Variants in ORC2 observed in about 807,000 individuals in gnomAD.
ORC2 encodes the protein origin recognition complex protein 2 homolog.
Under a neutral mutation model 77.7 loss-of-function variants are expected in ORC2, and 37 were observed. The ratio of observed to expected loss-of-function variants is 0.48; its 90% CI spans 0.37 to 0.63. The LOEUF is 0.63. Ranked by LOEUF, ORC2 falls within the 20% of genes least tolerant of loss-of-function variation. The probability of loss-of-function intolerance (pLI) is 0.00; values close to 1 mark genes in which losing one functional copy is unlikely to be tolerated. For synonymous variants in ORC2, 201 were observed against 229.5 expected, an observed-to-expected ratio of 0.88 and a Z score of 1.12; for missense variants, 557 against 661.9, an observed-to-expected ratio of 0.84 and a Z score of 1.74.
intron 5 of ORC2, among the ~76,000 whole-genome samples, chr2:200,944,163 A>G (rs1028135941): frequency 6.6e-6 from 1 of 152,148 alleles, no homozygotes; most frequent in East Asian, 1.9e-4. Flanking sequence ...ATTGAAGAGG[A>G]TTAAGAACAA....
chr2:200,953,058 A>T (rs1383148730), intron 4 of ORC2, among the ~76,000 whole-genome samples: 1 of 146,952 alleles, frequency 6.8e-6, no homozygotes, highest in African/African-American at 2.5e-5. Context: ...GGTTGCAGTG[A>T]GCCTTGATTG....
intron 4 of ORC2, among the ~76,000 whole-genome samples, chr2:200,950,822 A>C (rs2041341187): frequency 6.6e-6 from 1 of 152,090 alleles, no homozygotes; most frequent in South Asian, 2.1e-4. Context: ...AGTGATCTGT[A>C]TTTCCACCAA....
intron 4 of ORC2, among the ~76,000 whole-genome samples, chr2:200,954,711 G>A (rs11886755): frequency 0.032 from 4,811 of 152,040 alleles, 259 homozygotes; most frequent in African/African-American, 0.11. Context: ...CCTCCAAAGC[G>A]TCACAGTACA....
At chr2:200,932,878 C>T (rs1327670252) in intron 10 of ORC2, among the ~76,000 whole-genome samples, 2 of 152,320 alleles carry the variant, frequency 1.3e-5, no homozygotes, top group South Asian at 2.1e-4. Context: ...CAACTTCTGA[C>T]TGACTTGCAG....
Position 200,931,398 on chromosome 2 carries a change from T to A in ORC2, c.858A>T (p.Glu286Asp), listed in dbSNP as rs1015117546. Residue 286 changes from glutamate (E) to aspartate (D), a missense_variant, in exon 11 of 18, where the codon GAA becomes GAT. Transcript: ENST00000234296. Reference protein sequence around the residue: ...LSKVSPSFSAELKQLNQQYEK... With the variant: ...LSKVSPSFSADLKQLNQQYEK... Reference sequence around the variant, plus strand: ...CATACTGTTGATTTAGTTGTTTAAGTTCGGCAGAAAAGGAAGGGGAAACCT... The same window carrying A: ...CATACTGTTGATTTAGTTGTTTAAGATCGGCAGAAAAGGAAGGGGAAACCT... The A allele has an allele frequency of 2.0e-5, 31 of 1,540,434 alleles. No individual in the cohort carries two copies. The highest frequency in any genetic ancestry group is 2.3e-5 in the Non-Finnish European group (26 of 1,151,116).
At chr2:200,915,003 CTTTTTTT>C (rs1158807101) in intron 15 of ORC2, among the ~76,000 whole-genome samples, 16 of 65,280 alleles carry the variant, frequency 2.5e-4, no homozygotes, top group Admixed American at 8.1e-4. Context: ...CTTCCCACGT[CTTTTTTT>C]TTTTTTTTTT....
intron 8 of ORC2, 114 bp downstream of exon 8, chr2:200,937,792 G>T: frequency 1.4e-6 from 1 of 699,086 alleles, no homozygotes; most frequent in Non-Finnish European, 2.5e-6. Flanking sequence ...GCAACTAAAA[G>T]CCAAAGATTC....
chr2:200,937,809 C>T (rs1198080546), intron 8 of ORC2, 97 bp downstream of exon 8: 3 of 765,652 alleles, frequency 3.9e-6, no homozygotes, highest in South Asian at 1.6e-5. Context: ...ATTCAAAACA[C>T]CAAGCAGTCT....
At chr2:200,912,847 G>A (rs1241609330) in intron 17 of ORC2, among the ~76,000 whole-genome samples, 1 of 152,106 alleles carries the variant, frequency 6.6e-6, no homozygotes, top group Non-Finnish European at 1.5e-5. Context: ...CTTCCTTACA[G>A]TTAAAATGTT....
At chr2:200,939,762 G>A (rs2041114294) in intron 7 of ORC2, among the ~76,000 whole-genome samples, 1 of 152,116 alleles carries the variant, frequency 6.6e-6, no homozygotes, top group East Asian at 1.9e-4. Flanking sequence ...AGGTAGCTTT[G>A]TTTCATCAAC....
rs1161736760 is a variant in ORC2 at position 200,933,961 on chromosome 2, T to C, written c.722A>G (p.Glu241Gly). The part of the protein sequence containing the change: ...MKRDKTSDLV[E>G]EYFEAHSSSK... Reference sequence around the variant, plus strand: ...ACTGCTGTGAGCTTCAAAATATTCTTCTACTAAGTCACTCTGAAAGTGAAC... The same window carrying C: ...ACTGCTGTGAGCTTCAAAATATTCTCCTACTAAGTCACTCTGAAAGTGAAC... The change falls in exon 10 of 18, where the codon GAA becomes GGA. Residue 241 changes from glutamate (E) to glycine (G), a missense_variant. By Grantham distance (98) the Glu-to-Gly change is moderately conservative. Transcript: ENST00000234296. 4 of 1,597,286 alleles carry C rather than the reference T, an allele frequency of 2.5e-6. No homozygotes were observed. The Admixed American group carries it at 6.7e-5, about 27-fold the overall frequency.
intron 15 of ORC2, 113 bp from the exon 16 acceptor site, chr2:200,914,105 C>T (rs1277531347): frequency 4.9e-6 from 3 of 617,994 alleles, no homozygotes; most frequent in Non-Finnish European, 8.5e-6. Context: ...TCCGCATTAT[C>T]TTCTGTTCCT....
Position 200,913,393 on chromosome 2 carries a change from A to G in ORC2, c.1549T>C (p.Tyr517His). 1.9e-6 allele frequency: 3 copies of G among 1,590,960 alleles called. No individual in the cohort carries two copies. Among genetic ancestry groups the G allele is most frequent in the East Asian group, 2.4e-5 (1 of 42,210 alleles). The change falls in exon 17 of 18, where the codon TAC (tyrosine) becomes CAC (histidine). Residue 517 changes from tyrosine (Y) to histidine (H), a missense_variant. By Grantham distance (83) the Tyr-to-His change is moderately conservative. Coordinates refer to ENST00000234296, the MANE Select transcript of ORC2 (RefSeq NM_006190.5). The part of the protein sequence containing the change: ...SYIGLSFQDF[Y>H]QQCREAFLVN... The stretch of plus-strand genomic sequence containing the variant: ...AGGAATGCCTCCCGACACTGCTGGT[A>G]AAAATCTTGAAAAGAAAGGCCTGGC...
intron 10 of ORC2, among the ~76,000 whole-genome samples, chr2:200,933,155 G>T (rs1393758244): frequency 6.6e-6 from 1 of 151,426 alleles, no homozygotes; most frequent in Non-Finnish European, 1.5e-5. Flanking sequence ...TACTGACAAA[G>T]ATTTTCTCAC....
intron 7 of ORC2, among the ~76,000 whole-genome samples, chr2:200,939,874 T>G (rs1010446572): frequency 3.9e-5 from 6 of 152,210 alleles, no homozygotes; most frequent in African/African-American, 1.4e-4. Context: ...ATTATGGCAA[T>G]GAGTTTTTTT....
rs1005544402 is a variant in ORC2, at chr2:200,921,214, C to G, written c.1148-75G>C. 8.4e-6 allele frequency: 8 copies of G among 950,140 alleles called. No individual in the cohort carries two copies. In the Admixed American group the frequency reaches 1.9e-4, roughly 22 times the overall value. The allele number at this position is 950,140 out of a possible 1,614,324, so 58.9% of individuals were successfully genotyped here. A position where few individuals can be genotyped will look rare whatever the true frequency, so the allele number is the denominator to read the frequency against. ...TCACTCTGTTGCCTAGGCTAGAGTGCAGTGGTACAATCATAGCTCACTGCA... is the reference window on the plus strand; with the variant it reads ...TCACTCTGTTGCCTAGGCTAGAGTGGAGTGGTACAATCATAGCTCACTGCA... On this transcript the variant is annotated intron_variant, in intron 13 of 17. Coordinates refer to ENST00000234296, the MANE Select transcript of ORC2 (RefSeq NM_006190.5).
chr2:200,933,876 C>G lies in ORC2; in HGVS notation c.807G>C (p.Gln269His), dbSNP rs760777902. 4.4e-6 allele frequency: 7 copies of G among 1,580,684 alleles called. No individual in the cohort carries two copies. The Admixed American group carries it at 8.8e-5, about 20-fold the overall frequency. The change falls in exon 10 of 18, where the codon CAG (glutamine) becomes CAC (histidine). Residue 269 changes from glutamine to histidine, a missense_variant and splice_region_variant. By Grantham distance (24) the Gln-to-His change is conservative. Transcript: ENST00000234296. ...AGAAGTAACATTCCTTGTAACATAC[C>G]TGATCCAGTTTAGCTCTCTTTAGCT... ...LQKLKRAKLDQQTLRNLLSKV... is the reference protein window; with the variant it reads ...LQKLKRAKLDHQTLRNLLSKV...
At chr2:200,962,345 T>C (rs1276435086) in intron 1 of ORC2, among the ~76,000 whole-genome samples, 2 of 152,246 alleles carry the variant, frequency 1.3e-5, no homozygotes, top group South Asian at 2.1e-4. Flanking sequence ...CACCAAGTGG[T>C]AGCAACACAC....
At chr2:200,925,387 A>G (rs2040824500) in intron 13 of ORC2, among the ~76,000 whole-genome samples, 1 of 152,188 alleles carries the variant, frequency 6.6e-6, no homozygotes. Context: ...GTTCACGGAA[A>G]AAGTTCATAG....
Sources: allele counts gnomAD v4.1 joint callset (sites outside exome capture counted in the v4.1 genomes callset), GRCh38; gene constraint gnomAD v4.1.1; transcripts MANE v1.5; gene names NCBI Gene and HGNC (gene_info 2026-07-23, HGNC 2026-07-21).